Variants in LRRC49 observed in about 807,000 individuals in gnomAD.
The protein encoded by LRRC49 is leucine-rich repeat-containing protein 49.
In LRRC49, 50 loss-of-function variants were observed where a neutral mutation model predicts 83.3. The ratio of observed to expected loss-of-function variants is 0.60; its 90% CI spans 0.48 to 0.76. LRRC49 has a LOEUF of 0.76. Among genes scored for constraint, LRRC49 ranks in the 30% least tolerant of loss-of-function variants. The probability of loss-of-function intolerance (pLI) is 0.00; values close to 1 mark genes in which losing one functional copy is unlikely to be tolerated. For synonymous variants in LRRC49, 286 were observed against 283.3 expected, an observed-to-expected ratio of 1.01 and a Z score of -0.10; for missense variants, 704 against 809.1, an observed-to-expected ratio of 0.87 and a Z score of 1.58.
intron 3 of LRRC49, among the ~76,000 whole-genome samples, chr15:70,899,443 T>C (rs1307425049): frequency 6.6e-6 from 1 of 152,164 alleles, no homozygotes; most frequent in African/African-American, 2.4e-5. Flanking sequence ...TACTGACTTG[T>C]GGTTGCTTTT....
chr15:70,984,033 A>G (rs2037499345), intron 10 of LRRC49, 61 bp from the exon 11 acceptor site: 2 of 1,316,904 alleles, frequency 1.5e-6, no homozygotes, highest in Non-Finnish European at 2.2e-6. Flanking sequence ...TGCCCCTTAG[A>G]TGTCACTTCT....
intron 14 of LRRC49, among the ~76,000 whole-genome samples, chr15:71,032,917 C>G (rs983026699): frequency 2.6e-5 from 4 of 152,132 alleles, no homozygotes; most frequent in Non-Finnish European, 5.9e-5. Context: ...ACTGAATGGT[C>G]AAAAGCTGGA....
chr15:70,983,639 CT>C (rs2037485648), intron 10 of LRRC49, among the ~76,000 whole-genome samples: 3 of 152,064 alleles, frequency 2.0e-5, no homozygotes, highest in Admixed American at 1.3e-4. Flanking sequence ...CCTTCCCCCC[CT>C]CCAAGATTAT....
chr15:70,966,198 T>C (rs2036787375), intron 9 of LRRC49, among the ~76,000 whole-genome samples: 1 of 152,152 alleles, frequency 6.6e-6, no homozygotes, highest in African/African-American at 2.4e-5. Flanking sequence ...ACATTCTCAC[T>C]GTGGTGGATT....
In LRRC49 at chr15:71,052,650, G is replaced by A. The variant is rs1046828480; in HGVS notation, c.*3038G>A. 4 of 152,126 alleles carry A rather than the reference G, an allele frequency of 2.6e-5. No homozygotes were observed. Among genetic ancestry groups the A allele is most frequent in the Non-Finnish European group, 5.9e-5 (4 of 68,020 alleles). The allele number at this position is 152,126 out of a possible 1,614,324, so 9.4% of individuals were successfully genotyped here. On this transcript the variant is annotated 3_prime_UTR_variant, in exon 16 of 16. Transcript: ENST00000260382. ...ACAAAGATTCATTGAGCAATGTCTTGCACTATTATAAGCTCTTTGTATACA... is the reference window on the plus strand; with the variant it reads ...ACAAAGATTCATTGAGCAATGTCTTACACTATTATAAGCTCTTTGTATACA...
chr15:71,048,961 T>C, intron 15 of LRRC49: 1 of 401,880 alleles, frequency 2.5e-6, no homozygotes, highest in East Asian at 7.2e-5. Context: ...TAATAGAGGG[T>C]AAATTCAGAG....
intron 11 of LRRC49, among the ~76,000 whole-genome samples, chr15:70,991,946 G>A (rs1172337583): frequency 6.6e-6 from 1 of 152,162 alleles, no homozygotes; most frequent in East Asian, 1.9e-4. Context: ...AGGCAAATAT[G>A]CTTTTTAAAT....
upstream of LRRC49, among the ~76,000 whole-genome samples, chr15:70,888,960 C>A (rs1287473703): frequency 6.6e-6 from 1 of 152,108 alleles, no homozygotes; most frequent in East Asian, 1.9e-4. Flanking sequence ...CACGTATAGG[C>A]AAGAATGTGG....
At chr15:70,959,342 T>A (rs1407241497) in intron 8 of LRRC49, among the ~76,000 whole-genome samples, 6 of 151,914 alleles carry the variant, frequency 3.9e-5, no homozygotes, top group Non-Finnish European at 1.5e-5. Context: ...ATACAAAGAA[T>A]TAGCCGGGTG....
chr15:70,942,033 ATGTGTGTGTG>A (rs34818331), intron 8 of LRRC49, among the ~76,000 whole-genome samples: 353 of 144,180 alleles, frequency 2.4e-3, no homozygotes, highest in Middle Eastern at 7.1e-3. Context: ...TGTAAAGGTT[ATGTGTGTGTG>A]TGTGTGTGTG....
At chr15:71,026,675 ATTTCT>A (rs1316910221) in intron 14 of LRRC49, among the ~76,000 whole-genome samples, 1 of 152,158 alleles carries the variant, frequency 6.6e-6, no homozygotes, top group African/African-American at 2.4e-5. Context: ...TTTGATTTGC[ATTTCT>A]CTAATAACCA....
At chr15:70,904,499 A>G in intron 4 of LRRC49, 53 bp from the exon 5 acceptor site, 1 of 1,186,768 alleles carries the variant, frequency 8.4e-7, no homozygotes, top group Non-Finnish European at 1.2e-6. Flanking sequence ...TATTTGTAAG[A>G]AGAGGTAAGT....
intron 14 of LRRC49, among the ~76,000 whole-genome samples, chr15:71,016,431 T>A (rs1171535451): frequency 6.6e-6 from 1 of 151,970 alleles, no homozygotes; most frequent in Non-Finnish European, 1.5e-5. Flanking sequence ...GATTAGAAAG[T>A]AATGAATGAA....
At chr15:71,039,408 A>G (rs1162207204) in intron 15 of LRRC49, among the ~76,000 whole-genome samples, 1 of 152,176 alleles carries the variant, frequency 6.6e-6, no homozygotes, top group Non-Finnish European at 1.5e-5. Context: ...GAAAAAATTA[A>G]TATGTATATA....
chr15:71,023,573 G>A (rs1207381102), intron 14 of LRRC49, among the ~76,000 whole-genome samples: 1 of 151,810 alleles, frequency 6.6e-6, no homozygotes, highest in Non-Finnish European at 1.5e-5. Flanking sequence ...GGAAAAACAG[G>A]GTGGTGCGAT....
rs560734113 is a variant in LRRC49, at chr15:70,873,176, C to T, written c.-30C>T. ...TTGGGATTACAGGAGTGAGCCACCTCGCCCAGCCAACTTGACATAACTTTT... is the reference window on the plus strand; with the variant it reads ...TTGGGATTACAGGAGTGAGCCACCTTGCCCAGCCAACTTGACATAACTTTT... On this transcript the variant is annotated 5_prime_UTR_variant, in exon 2 of 17. Transcript: ENST00000544974. 5.0e-4 allele frequency: 772 copies of T among 1,535,152 alleles called. 9 individuals are homozygous for T. The African/African-American group carries it at 9.6e-3, about 19-fold the overall frequency.
rs74883552 is a variant in LRRC49 at position 71,053,332 on chromosome 15, G to T, written c.*3720G>T. 1.3e-5 allele frequency: 2 copies of T among 152,182 alleles called. No individual in the cohort carries two copies. Among genetic ancestry groups the T allele is most frequent in the African/African-American group, 2.4e-5 (1 of 41,434 alleles). 9.4% of individuals were successfully genotyped at this position (152,182 alleles called of 1,614,324 possible). On this transcript the variant is annotated 3_prime_UTR_variant, in exon 16 of 16. Transcript: ENST00000260382. Reference sequence around the variant, plus strand: ...CACAAGGTTTTTGGCTTGAACTACCGAAAAGATTGAGTTGCCATCAACTGA... The same window carrying T: ...CACAAGGTTTTTGGCTTGAACTACCTAAAAGATTGAGTTGCCATCAACTGA...
At chr15:70,872,247 C>T (rs1237915362) in intron 1 of LRRC49, among the ~76,000 whole-genome samples, 1 of 152,220 alleles carries the variant, frequency 6.6e-6, no homozygotes, top group African/African-American at 2.4e-5. Context: ...ATACAAAAAC[C>T]AATCAGGCGT....
chr15:71,035,112 T>C (rs1044035277), intron 14 of LRRC49, among the ~76,000 whole-genome samples: 2 of 152,094 alleles, frequency 1.3e-5, no homozygotes, highest in African/African-American at 4.8e-5. Flanking sequence ...AATTATACTA[T>C]GTAACTATCC....
Sources: gnomAD v4.1 joint callset for allele counts (sites outside exome capture counted in the v4.1 genomes callset) on GRCh38, gnomAD v4.1.1 for gene constraint, MANE v1.5 for transcripts, NCBI Gene and HGNC (gene_info 2026-07-23, HGNC 2026-07-21) for gene names.